NALF1: variants seen among roughly 807,000 people sequenced by gnomAD.
NALF1 encodes the protein NALCN channel auxiliary factor 1.
In NALF1, 3 loss-of-function variants were observed where a neutral mutation model predicts 48.4. The observed-to-expected ratio is 0.06, with a 90% CI of 0.03 to 0.16. The LOEUF is 0.16. Among genes scored for constraint, NALF1 ranks in the 10% least tolerant of loss-of-function variants. NALF1 has a pLI of 1.00. For missense variants in NALF1, 526 were observed against 571.5 expected, an observed-to-expected ratio of 0.92 and a Z score of 0.81; for synonymous variants, 262 against 245.7, an observed-to-expected ratio of 1.07 and a Z score of -0.62.
Position 107,234,341 on chromosome 13 carries a change from C to T in NALF1, c.916-23586G>A, listed in dbSNP as rs900813814. On this transcript the variant is annotated intron_variant, in intron 1 of 2. Coordinates refer to ENST00000375915, the MANE Select transcript of NALF1 (RefSeq NM_001080396.3). ...ATGCTCGGTGACTTTGCCTGCTTTC[C>T]CCAGGCACAAGACAACAACCTGCAC... is the stretch of plus-strand genomic sequence containing the variant. Among the ~76,000 whole-genome samples the T allele has an allele frequency of 4.6e-5, 7 of 152,198 alleles. No homozygotes were observed. In the South Asian group the frequency reaches 6.2e-4, roughly 13 times the overall value.
At chr13:107,202,173 CTCTT>C (rs1216459357) in intron 2 of NALF1, among the ~76,000 whole-genome samples, 3 of 151,936 alleles carry the variant, frequency 2.0e-5, no homozygotes, top group Admixed American at 2.0e-4. Flanking sequence ...ATTAAATTCA[CTCTT>C]TCTTTTTTTA....
At chr13:107,555,197 C>T (rs1222888148) in intron 1 of NALF1, among the ~76,000 whole-genome samples, 1 of 151,904 alleles carries the variant, frequency 6.6e-6, no homozygotes, top group Non-Finnish European at 1.5e-5. Flanking sequence ...GGATATTACG[C>T]ATTTCTTCAT....
intron 1 of NALF1, among the ~76,000 whole-genome samples, chr13:107,411,547 T>G (rs945702159): frequency 1.3e-5 from 2 of 152,142 alleles, no homozygotes; most frequent in Admixed American, 1.3e-4. Flanking sequence ...CAACTCTCAC[T>G]GAGCTAGGTG....
At chr13:107,576,935 AG>A (rs1490391085) in intron 1 of NALF1, among the ~76,000 whole-genome samples, 1 of 152,226 alleles carries the variant, frequency 6.6e-6, no homozygotes, top group Non-Finnish European at 1.5e-5. Flanking sequence ...CAGCATTACA[AG>A]GAAGGGAGTT....
chr13:107,779,561 T>C (rs1877826763), intron 1 of NALF1, among the ~76,000 whole-genome samples: 1 of 152,210 alleles, frequency 6.6e-6, no homozygotes, highest in African/African-American at 2.4e-5. Context: ...GAAATGCTCT[T>C]CACTGCTCAC....
intron 1 of NALF1, among the ~76,000 whole-genome samples, chr13:107,604,143 C>A (rs1251831215): frequency 6.6e-6 from 1 of 152,154 alleles, no homozygotes; most frequent in African/African-American, 2.4e-5. Flanking sequence ...GTTCCTCCCC[C>A]ATTTTCTAAG....
intron 1 of NALF1, among the ~76,000 whole-genome samples, chr13:107,553,416 C>T (rs1877356478): frequency 6.6e-6 from 1 of 152,106 alleles, no homozygotes; most frequent in Admixed American, 6.6e-5. Flanking sequence ...AATATAGCTA[C>T]ATTTTAGGCA....
chr13:107,535,849 A>G (rs1876788946), intron 1 of NALF1, among the ~76,000 whole-genome samples: 1 of 152,186 alleles, frequency 6.6e-6, no homozygotes, highest in Non-Finnish European at 1.5e-5. Context: ...ACAGTAACCA[A>G]AACAGCATGG....
intron 1 of NALF1, among the ~76,000 whole-genome samples, chr13:107,339,408 T>C (rs1010646675): frequency 1.3e-5 from 2 of 152,026 alleles, no homozygotes; most frequent in African/African-American, 4.8e-5. Flanking sequence ...AGTCATCTAG[T>C]AGGTTTGTGA....
At chr13:107,757,611 A>T (rs1877146685) in intron 1 of NALF1, among the ~76,000 whole-genome samples, 1 of 151,956 alleles carries the variant, frequency 6.6e-6, no homozygotes, top group Non-Finnish European at 1.5e-5. Flanking sequence ...ATTTTGAAAA[A>T]CTTAGGAGAA....
Position 107,366,239 on chromosome 13 carries a change from T to C in NALF1, c.916-155484A>G, listed in dbSNP as rs562397949. Among the ~76,000 whole-genome samples the C allele has an allele frequency of 7.9e-5, 12 of 152,340 alleles. No individual in the cohort carries two copies. In the South Asian group the frequency reaches 2.5e-3, roughly 32 times the overall value. On this transcript the variant is annotated intron_variant, in intron 1 of 2. Coordinates refer to ENST00000375915, the MANE Select transcript of NALF1 (RefSeq NM_001080396.3). ...TAGATTTAAATATACAGAAACTGCG[T>C]ACTATGCCATAATCTTAATACAAAA...
intron 1 of NALF1, among the ~76,000 whole-genome samples, chr13:107,480,140 T>C (rs1885232679): frequency 6.6e-6 from 1 of 152,186 alleles, no homozygotes; most frequent in African/African-American, 2.4e-5. Flanking sequence ...ATTTAGTTAT[T>C]AAAATCTAAC....
chr13:107,763,771 C>T (rs1877339526), intron 1 of NALF1, among the ~76,000 whole-genome samples: 1 of 152,070 alleles, frequency 6.6e-6, no homozygotes, highest in Non-Finnish European at 1.5e-5. Context: ...TGAATTAATA[C>T]ATCAATATTA....
At chr13:107,382,474 T>C (rs1385474453) in intron 1 of NALF1, among the ~76,000 whole-genome samples, 1 of 152,190 alleles carries the variant, frequency 6.6e-6, no homozygotes, top group Non-Finnish European at 1.5e-5. Context: ...GTTGCAAAAA[T>C]GTTACCCTTC....
At chr13:107,450,178 T>A (rs1884716524) in intron 1 of NALF1, among the ~76,000 whole-genome samples, 1 of 151,856 alleles carries the variant, frequency 6.6e-6, no homozygotes, top group South Asian at 2.1e-4. Context: ...AAGGGAGAGA[T>A]GAAAACACAG....
At chr13:107,319,166 G>C (rs547766782) in intron 1 of NALF1, among the ~76,000 whole-genome samples, 3 of 152,054 alleles carry the variant, frequency 2.0e-5, no homozygotes, top group African/African-American at 7.2e-5. Context: ...GGGCCAACTG[G>C]TCCTCCGGCC....
At chr13:107,238,701 T>A (rs1217626108) in intron 1 of NALF1, among the ~76,000 whole-genome samples, 1 of 152,068 alleles carries the variant, frequency 6.6e-6, no homozygotes, top group South Asian at 2.1e-4. Context: ...CACAGGAAAA[T>A]GTGCTTTTGA....
intron 1 of NALF1, among the ~76,000 whole-genome samples, chr13:107,600,823 C>T (rs1878905675): frequency 6.6e-6 from 1 of 152,124 alleles, no homozygotes; most frequent in East Asian, 1.9e-4. Context: ...AACTTGACCT[C>T]GATAGTATTT....
chr13:107,670,084 T>A lies in NALF1; in HGVS notation c.915+195598A>T, dbSNP rs1054970897. On this transcript the variant is annotated intron_variant, in intron 1 of 2. Transcript: ENST00000375915. ...ATCTACTGTTGCAGTGATATGTTTA[T>A]GCTTTTAGTTCAGAGTCACATTAAA... Among the ~76,000 whole-genome samples the A allele has an allele frequency of 3.3e-5, 5 of 152,192 alleles. No individual in the cohort carries two copies. In the South Asian group the frequency reaches 8.3e-4, roughly 25 times the overall value.
Sources: allele counts gnomAD v4.1 joint callset (sites outside exome capture counted in the v4.1 genomes callset), GRCh38; gene constraint gnomAD v4.1.1; transcripts MANE v1.5; gene names NCBI Gene and HGNC (gene_info 2026-07-23, HGNC 2026-07-21).